The following AP1M1 variants were observed in gnomAD, a reference collection of about 807,000 sequenced individuals.
AP1M1 encodes the protein AP-1 complex subunit mu-1.
Under a neutral mutation model 57.1 loss-of-function variants are expected in AP1M1, and 18 were observed. That is an observed-to-expected ratio of 0.32 (90% CI 0.22 to 0.47). The LOEUF (loss-of-function observed/expected upper bound fraction) is 0.47, where lower values mean the gene tolerates loss of function less well. AP1M1 is among the 20% of genes least tolerant of loss of function. The pLI, the probability that AP1M1 is intolerant of heterozygous loss-of-function variation, is 1.00. For synonymous variants in AP1M1, 241 were observed against 237.9 expected (o/e 1.01, Z -0.12); for missense variants, 362 against 593.5 (o/e 0.61, Z 4.05).
rs997635824 is a variant in AP1M1, at chr19:16,207,871, A to G, written c.268-148A>G. On this transcript the variant is annotated intron_variant, in intron 3 of 11. Coordinates refer to ENST00000291439, the MANE Select transcript of AP1M1 (RefSeq NM_032493.4). This position sits in a 1 kb window ranked among gnomAD's most constrained non-coding sequence, Gnocchi z 4.2. ...CTGTCCTGCCCCATAACCTGGGTCCAGGGCCCTGTAGCACACCACCGAGCC... is the reference window on the plus strand; with the variant it reads ...CTGTCCTGCCCCATAACCTGGGTCCGGGGCCCTGTAGCACACCACCGAGCC... The G allele has an allele frequency of 6.7e-6, 7 of 1,046,044 alleles. No homozygotes were observed. The highest frequency in any genetic ancestry group is 2.4e-5 in the Admixed American group (1 of 42,420). The allele number at this position is 1,046,044 out of a possible 1,614,324, so 64.8% of individuals were successfully genotyped here.
intron 5 of AP1M1, among the ~76,000 whole-genome samples, chr19:16,226,091 G>C (rs2091569952): frequency 1.3e-5 from 2 of 151,964 alleles, no homozygotes; most frequent in South Asian, 4.1e-4. Flanking sequence ...AACCCTCAGA[G>C]GGGGCTCCAG....
chr19:16,227,381 G>A lies in AP1M1; in HGVS notation c.674-167G>A, dbSNP rs1174444322. On this transcript the variant is annotated intron_variant, in intron 6 of 11. Transcript: ENST00000291439. This position sits in a 1 kb window ranked among gnomAD's most constrained non-coding sequence, Gnocchi z 6.2. ...GACCCCAGGGGTGTGAGGAGTGATG[G>A]GGCAGTTGTCTTGGGACCCAGCCCC... 6.6e-6 allele frequency among the ~76,000 whole-genome samples: 1 copy of A among 151,970 alleles called. No homozygotes were observed. Among genetic ancestry groups the A allele is most frequent in the Non-Finnish European group, 1.5e-5 (1 of 67,928 alleles).
rs1199292342 is a variant in AP1M1, at chr19:16,245,667, G to A, written c.*11232G>A. On this transcript the variant is annotated 3_prime_UTR_variant, in exon 12 of 12. Coordinates refer to ENST00000291439, the MANE Select transcript of AP1M1 (RefSeq NM_032493.4). ...ATTCAGTTTGACAAAATGACTTTTAGCTGGAGCATTAAGTCCCTTTACATT... is the reference window on the plus strand; with the variant it reads ...ATTCAGTTTGACAAAATGACTTTTAACTGGAGCATTAAGTCCCTTTACATT... 3 of 152,104 alleles carry A rather than the reference G, an allele frequency of 2.0e-5. No individual in the cohort carries two copies. The highest frequency in any genetic ancestry group is 7.2e-5 in the African/African-American group (3 of 41,420). 9.4% of individuals were successfully genotyped at this position (152,104 alleles called of 1,614,324 possible). A position where few individuals can be genotyped will look rare whatever the true frequency, so the allele number is the denominator to read the frequency against.
At chr19:16,201,791 G>A (rs2091448780) in intron 1 of AP1M1, among the ~76,000 whole-genome samples, 1 of 152,166 alleles carries the variant, frequency 6.6e-6, no homozygotes, top group South Asian at 2.1e-4. Context: ...GAACAGATGT[G>A]GATCACTCAG....
At chr19:16,220,235 C>T (rs896588513) in intron 5 of AP1M1, among the ~76,000 whole-genome samples, 5 of 152,230 alleles carry the variant, frequency 3.3e-5, no homozygotes, top group East Asian at 1.9e-4. Context: ...GTCAGGGCTT[C>T]GATCTGTTGC....
Position 16,234,494 on chromosome 19 carries a change from C to A in AP1M1, c.*59C>A. 6.2e-7 allele frequency: 1 copy of A among 1,607,000 alleles called. No homozygotes were observed. The highest frequency in any genetic ancestry group is 1.1e-5 in the South Asian group (1 of 90,382). ...CTCCTGGTGGCAGCACCAGGGGACA[C>A]ACCTGCCAAACCCACCAGATGGAGG... On this transcript the variant is annotated 3_prime_UTR_variant, in exon 12 of 12. Coordinates refer to ENST00000291439, the MANE Select transcript of AP1M1 (RefSeq NM_032493.4).
chr19:16,210,335 T>C, intron 5 of AP1M1: 1 of 715,692 alleles, frequency 1.4e-6, no homozygotes, highest in South Asian at 1.5e-5. Flanking sequence ...GGTTTATGTG[T>C]GGACATAAGT....
At chr19:16,215,090 G>A (rs1474875412) in intron 5 of AP1M1, among the ~76,000 whole-genome samples, 2 of 149,798 alleles carry the variant, frequency 1.3e-5, no homozygotes, top group African/African-American at 4.9e-5. Flanking sequence ...AGCTTAGGTT[G>A]GCCAGATGTG....
chr19:16,224,610 G>T (rs2091562397), intron 5 of AP1M1, among the ~76,000 whole-genome samples: 1 of 152,240 alleles, frequency 6.6e-6, no homozygotes, highest in African/African-American at 2.4e-5. Flanking sequence ...TCTGATTGCT[G>T]CCCGCAGGGC....
intron 2 of AP1M1, among the ~76,000 whole-genome samples, chr19:16,204,714 C>A (rs117014983): frequency 0.018 from 2,769 of 152,276 alleles, 46 homozygotes; most frequent in Non-Finnish European, 0.029. Context: ...TCCTGGTGGC[C>A]GGTGTGCACA....
intron 5 of AP1M1, among the ~76,000 whole-genome samples, chr19:16,218,567 C>T (rs111761710): frequency 1.3e-5 from 2 of 152,148 alleles, no homozygotes; most frequent in East Asian, 1.9e-4. Flanking sequence ...GTCTTCCCTC[C>T]GTTCACTCTC....
chr19:16,211,101 G>GTT (rs1555724141), intron 5 of AP1M1, among the ~76,000 whole-genome samples: 10 of 39,300 alleles, frequency 2.5e-4, no homozygotes, highest in Non-Finnish European at 4.1e-4. Flanking sequence ...TCTTAGCAGT[G>GTT]TTTTTTTTTT....
chr19:16,198,711 C>A (rs1483017459), intron 1 of AP1M1, among the ~76,000 whole-genome samples: 6 of 152,180 alleles, frequency 3.9e-5, no homozygotes, highest in African/African-American at 1.2e-4. Context: ...GATCCAGAAT[C>A]ATTCGTTTAT....
intron 9 of AP1M1, among the ~76,000 whole-genome samples, chr19:16,229,832 G>A (rs1396585232): frequency 6.6e-6 from 1 of 152,162 alleles, no homozygotes; most frequent in African/African-American, 2.4e-5. Context: ...TCCTCATTAT[G>A]TGCAAGTAGA....
intron 10 of AP1M1, 49 bp downstream of exon 10, chr19:16,233,667 A>T (rs1304460956): frequency 3.2e-6 from 5 of 1,570,148 alleles, no homozygotes; most frequent in Non-Finnish European, 3.5e-6. Context: ...CAGAGGCCGC[A>T]GGTGACAGAT....
intron 5 of AP1M1, 147 bp from the exon 6 acceptor site, chr19:16,226,273 TC>T: frequency 8.3e-7 from 1 of 1,208,774 alleles, no homozygotes; most frequent in South Asian, 1.6e-5. Flanking sequence ...GCTGGGACTC[TC>T]CCAGCTCAGG....
At chr19:16,230,535 G>A (rs1349294070) in intron 9 of AP1M1, among the ~76,000 whole-genome samples, 1 of 151,988 alleles carries the variant, frequency 6.6e-6, no homozygotes, top group Non-Finnish European at 1.5e-5. Flanking sequence ...TGAGCAGCTG[G>A]GATTACAGGC....
intron 5 of AP1M1, among the ~76,000 whole-genome samples, chr19:16,210,748 C>T (rs966570243): frequency 3.3e-5 from 5 of 151,878 alleles, no homozygotes; most frequent in African/African-American, 7.3e-5. Context: ...TTACTAGAGA[C>T]GGGGTTTCAC....
At chr19:16,204,105 A>G (rs1452290943) in intron 2 of AP1M1, among the ~76,000 whole-genome samples, 2 of 150,918 alleles carry the variant, frequency 1.3e-5, no homozygotes, top group Non-Finnish European at 2.9e-5. Context: ...TGTCTTCTGG[A>G]GGTTTCTGGC....
Sources: gnomAD v4.1 joint callset for allele counts (sites outside exome capture counted in the v4.1 genomes callset) on GRCh38, gnomAD v4.1.1 for gene constraint, Gnocchi (gnomAD v3.1) non-coding constraint, MANE v1.5 for transcripts, NCBI Gene and HGNC (gene_info 2026-07-23, HGNC 2026-07-21) for gene names.